Variants in THOC5 observed in about 807,000 individuals in gnomAD.
The protein encoded by THOC5 is Fms-interacting protein.
In THOC5, 43 loss-of-function variants were observed where a neutral mutation model predicts 92.9. That is an observed-to-expected ratio of 0.46 (90% CI 0.36 to 0.60). THOC5 has a LOEUF of 0.60. Ranked by LOEUF, THOC5 falls within the 20% of genes least tolerant of loss-of-function variation. The pLI is 0.00. For synonymous variants in THOC5, 296 were observed against 320.1 expected, an observed-to-expected ratio of 0.92 and a Z score of 0.80; for missense variants, 659 against 849.4, an observed-to-expected ratio of 0.78 and a Z score of 2.79.
At chr22:29,531,641 G>T in intron 8 of THOC5, 190 bp downstream of exon 8, 6 of 1,355,874 alleles carry the variant, frequency 4.4e-6, no homozygotes, top group Non-Finnish European at 5.7e-6. Context: ...TACCCATCAG[G>T]TTAATCCAGC....
At position 29,511,295 on chromosome 22, in the gene THOC5, G is replaced by C. The variant is rs200015572; in HGVS notation, c.1799C>G (p.Ala600Gly). 10 of 1,610,116 alleles carry C rather than the reference G, an allele frequency of 6.2e-6. No homozygotes were observed. In the East Asian group the frequency reaches 2.0e-4, roughly 32 times the overall value. The change falls in exon 19 of 20, where the codon GCC (alanine) becomes GGC (glycine). Residue 600 changes from alanine (A) to glycine (G), a missense_variant and splice_region_variant. By Grantham distance (60) the Ala-to-Gly change is moderately conservative (BLOSUM62 0). Coordinates refer to ENST00000490103, the MANE Select transcript of THOC5 (RefSeq NM_003678.5). ...GCACACATTGACTTCGCCCTCCATG[G>C]CCTGTGTGATAGGAAAGCCAGCATC... ...KTNSNDDNIR[A>G]MEGEVNVCYK...
chr22:29,541,130 A>G (rs2063873051), intron 5 of THOC5, among the ~76,000 whole-genome samples: 2 of 151,966 alleles, frequency 1.3e-5, no homozygotes, highest in Admixed American at 6.6e-5. Context: ...GGTTGCAATG[A>G]GCCAAGATCA....
chr22:29,528,607 C>T (rs2146497568), intron 9 of THOC5, 141 bp from the exon 10 acceptor site: 2 of 805,826 alleles, frequency 2.5e-6, no homozygotes, highest in East Asian at 5.2e-5. Flanking sequence ...AATTAACTTG[C>T]TGCTTCTTAT....
intron 2 of THOC5, among the ~76,000 whole-genome samples, chr22:29,546,197 GC>G (rs1467056087): frequency 1.5e-4 from 23 of 152,272 alleles, no homozygotes; most frequent in African/African-American, 5.3e-4. Flanking sequence ...TCCCTAGGCT[GC>G]ATATAGCACA....
rs143724200 is a variant in THOC5, at chr22:29,545,128, G to A, written c.97-525C>T. 864 of 415,638 alleles carry A rather than the reference G, an allele frequency of 2.1e-3. 3 individuals are homozygous for A. Among genetic ancestry groups the A allele is most frequent in the Non-Finnish European group, 2.5e-3 (526 of 210,370 alleles). The allele number at this position is 415,638 out of a possible 1,614,324, so 25.7% of individuals were successfully genotyped here. A position where few individuals can be genotyped will look rare whatever the true frequency, so the allele number is the denominator to read the frequency against. Reference sequence around the variant, plus strand: ...TGAAAGGCACTTCTTATGTGGCGGCGGCAAGAGAAAAATGAGGAGGAAGCA... The same window carrying A: ...TGAAAGGCACTTCTTATGTGGCGGCAGCAAGAGAAAAATGAGGAGGAAGCA... On this transcript the variant is annotated intron_variant, in intron 2 of 19. Coordinates refer to ENST00000490103, the MANE Select transcript of THOC5 (RefSeq NM_003678.5).
intron 6 of THOC5, among the ~76,000 whole-genome samples, chr22:29,538,972 G>T (rs1206679629): frequency 1.3e-5 from 2 of 151,196 alleles, no homozygotes; most frequent in Non-Finnish European, 2.9e-5. Flanking sequence ...ATAGATGGGC[G>T]TGGTGGTGCA....
chr22:29,531,705 TTCTG>T, intron 8 of THOC5, 122 bp downstream of exon 8: 8 of 1,482,182 alleles, frequency 5.4e-6, no homozygotes, highest in African/African-American at 1.4e-5. Flanking sequence ...GGAAGAAAGC[TTCTG>T]TCACCTGAGG....
Position 29,542,947 on chromosome 22 carries a change from T to C in THOC5, c.364A>G (p.Lys122Glu). ...AGCTGCAGATGATAGGCATCTACTTTCTGCTTAGCCTGAAAGGAAAATACG... is the reference window on the plus strand; with the variant it reads ...AGCTGCAGATGATAGGCATCTACTTCCTGCTTAGCCTGAAAGGAAAATACG... ...GRDQTHEAKQ[K>E]VDAYHLQLQN... Residue 122 changes from lysine (K) to glutamate (E), a missense_variant, in exon 5 of 20, where the codon AAA becomes GAA. Coordinates refer to ENST00000490103, the MANE Select transcript of THOC5 (RefSeq NM_003678.5). 1 of 1,611,908 alleles carries C rather than the reference T, an allele frequency of 6.2e-7. No homozygotes were observed. The highest frequency in any genetic ancestry group is 8.5e-7 in the Non-Finnish European group (1 of 1,178,874).
intron 11 of THOC5, among the ~76,000 whole-genome samples, chr22:29,526,689 G>C (rs2063551498): frequency 1.3e-5 from 2 of 151,876 alleles, no homozygotes; most frequent in Non-Finnish European, 2.9e-5. Flanking sequence ...ACAAATACAA[G>C]ATGGAAAGGG....
chr22:29,548,967 AC>A (rs1393364725), intron 2 of THOC5, 84 bp downstream of exon 2: 2 of 1,365,530 alleles, frequency 1.5e-6, no homozygotes, highest in Admixed American at 2.0e-5. Flanking sequence ...GGTAGATGCG[AC>A]CCCGAGCTGC....
chr22:29,511,052 A>G lies in THOC5; in HGVS notation c.1988+54T>C, dbSNP rs2063212109. 5 of 1,565,374 alleles carry G rather than the reference A, an allele frequency of 3.2e-6. No individual in the cohort carries two copies. The Middle Eastern group carries it at 6.8e-4, about 214-fold the overall frequency. On this transcript the variant is annotated intron_variant, in intron 19 of 19. Coordinates refer to ENST00000490103, the MANE Select transcript of THOC5 (RefSeq NM_003678.5). ...GCTCTCCCCAGAAAATCTGGCTCTG[A>G]TCTCTGTCCCACATCACCATGAGAA...
At chr22:29,543,074 T>A in intron 4 of THOC5, 118 bp from the exon 5 acceptor site, 2 of 708,906 alleles carry the variant, frequency 2.8e-6, no homozygotes, top group East Asian at 2.9e-5. Flanking sequence ...CTGGGTGCAG[T>A]GGCTCACGCC....
intron 17 of THOC5, among the ~76,000 whole-genome samples, chr22:29,514,924 T>G (rs532350723): frequency 9.9e-5 from 15 of 150,994 alleles, no homozygotes; most frequent in African/African-American, 3.4e-4. Context: ...AGGCTGGTCT[T>G]GAACTCCTGA....
chr22:29,525,990 A>T, intron 11 of THOC5, 44 bp from the exon 12 acceptor site: 1 of 1,362,464 alleles, frequency 7.3e-7, no homozygotes, highest in Non-Finnish European at 1.0e-6. Flanking sequence ...CAAAACACTC[A>T]GAGCAGAGTG....
At position 29,511,998 on chromosome 22, in the gene THOC5, T is replaced by C. The variant is rs187838459; in HGVS notation, c.1797+23A>G. 7.7e-5 allele frequency: 124 copies of C among 1,607,156 alleles called. No homozygotes were observed. In the East Asian group the frequency reaches 1.7e-3, roughly 22 times the overall value. ...CCCCGGGAGCTCTGCCTGCTCCTCC[T>C]GTCATCCCCAGCTGGGTCTTACCCG... On this transcript the variant is annotated intron_variant, in intron 18 of 19. Coordinates refer to ENST00000490103, the MANE Select transcript of THOC5 (RefSeq NM_003678.5).
chr22:29,529,159 T>A lies in THOC5; in HGVS notation c.925+3A>T, dbSNP rs1269748421. 6.2e-7 allele frequency: 1 copy of A among 1,614,012 alleles called. No individual in the cohort carries two copies. Among genetic ancestry groups the A allele is most frequent in the African/African-American group, 1.3e-5 (1 of 74,946 alleles). On this transcript the variant is annotated splice_donor_region_variant and intron_variant, in intron 9 of 19. Coordinates refer to ENST00000490103, the MANE Select transcript of THOC5 (RefSeq NM_003678.5). ...GGGGGACGAATCCCAACCACCACAT[T>A]ACCTTGGGAGTCCTCTGGAGGTTTG...
chr22:29,512,003 T>C lies in THOC5; in HGVS notation c.1797+18A>G. On this transcript the variant is annotated intron_variant, in intron 18 of 19. Coordinates refer to ENST00000490103, the MANE Select transcript of THOC5 (RefSeq NM_003678.5). ...GGAGCTCTGCCTGCTCCTCCTGTCA[T>C]CCCCAGCTGGGTCTTACCCGAATGT... 1.9e-6 allele frequency: 3 copies of C among 1,610,046 alleles called. No individual in the cohort carries two copies. The highest frequency in any genetic ancestry group is 2.5e-6 in the Non-Finnish European group (3 of 1,176,742).
intron 8 of THOC5, 73 bp downstream of exon 8, chr22:29,531,758 G>C: frequency 6.4e-7 from 1 of 1,565,118 alleles, no homozygotes; most frequent in South Asian, 1.2e-5. Context: ...AGCAGGTACT[G>C]CTTCCAACTG....
intron 6 of THOC5, among the ~76,000 whole-genome samples, chr22:29,538,992 C>G (rs1336715666): frequency 1.3e-5 from 2 of 150,786 alleles, no homozygotes; most frequent in Admixed American, 1.3e-4. Flanking sequence ...ACACCTACCA[C>G]CCAGCTACTC....
Sources: gnomAD v4.1 joint callset for allele counts (sites outside exome capture counted in the v4.1 genomes callset) on GRCh38, gnomAD v4.1.1 for gene constraint, MANE v1.5 for transcripts, NCBI Gene and HGNC (gene_info 2026-07-23, HGNC 2026-07-21) for gene names.